Variants in HTR2C observed in about 807,000 individuals in gnomAD.
The protein encoded by HTR2C is 5-hydroxytryptamine receptor 2C, also known as 5-hydroxytryptamine (serotonin) receptor 2C, G protein-coupled.
HTR2C carries 5 observed loss-of-function variants against 21.0 expected under a neutral mutation model. The observed-to-expected ratio is 0.24, with a 90% CI of 0.12 to 0.50. HTR2C has a LOEUF of 0.50. Among genes scored for constraint, HTR2C ranks in the 20% least tolerant of loss-of-function variants. The pLI is 0.98. For missense variants in HTR2C, 271 were observed against 371.2 expected (o/e 0.73, Z 2.22); for synonymous variants, 150 against 145.3 (o/e 1.03, Z -0.23).
At chrX:114,717,183 C>A (rs1253426095) in intron 2 of HTR2C, among the ~76,000 whole-genome samples, 1 of 110,248 alleles carries the variant, frequency 9.1e-6, no homozygotes, top group Non-Finnish European at 1.9e-5. Flanking sequence ...GGGATCCTCC[C>A]ACCTCAGCCT....
At chrX:114,605,556 C>A (rs1320513513) in intron 1 of HTR2C, among the ~76,000 whole-genome samples, 2 of 110,863 alleles carry the variant, frequency 1.8e-5, no homozygotes, top group African/African-American at 6.6e-5. Flanking sequence ...AGACCATTTG[C>A]CTATTTTATG....
chrX:114,726,117 A>C (rs1397107738), intron 2 of HTR2C, among the ~76,000 whole-genome samples: 1 of 111,942 alleles, frequency 8.9e-6, no homozygotes, highest in Admixed American at 9.4e-5. Context: ...CCCCAGCCTC[A>C]CTGCCACCTT....
At chrX:114,621,917 A>G in intron 2 of HTR2C, among the ~76,000 whole-genome samples, 1 of 111,791 alleles carries the variant, frequency 8.9e-6, no homozygotes, top group Non-Finnish European at 1.9e-5. Context: ...TAAGTTCTAC[A>G]TCTTAGAACT....
chrX:114,639,571 G>A (rs78602960), intron 2 of HTR2C: 1,303 of 112,844 alleles, frequency 0.012, 5 homozygotes, highest in Middle Eastern at 0.017. Context: ...ATGCATTGAG[G>A]ACTCTCAGAT....
chrX:114,606,934 G>C (rs1206651824), intron 1 of HTR2C, among the ~76,000 whole-genome samples: 1 of 109,404 alleles, frequency 9.1e-6, no homozygotes, highest in Non-Finnish European at 1.9e-5. Flanking sequence ...TATAGGATTT[G>C]GGTAGGTAAA....
chrX:114,848,904 C>CT (rs2070894164), intron 5 of HTR2C, among the ~76,000 whole-genome samples: 1 of 111,351 alleles, frequency 9.0e-6, no homozygotes, highest in Admixed American at 9.6e-5. Context: ...AACAATTGGA[C>CT]TTTAGGGGTT....
intron 2 of HTR2C, among the ~76,000 whole-genome samples, chrX:114,642,423 GA>G (rs1473926341): frequency 9.0e-6 from 1 of 111,456 alleles, no homozygotes; most frequent in Non-Finnish European, 1.9e-5. Context: ...TGCCTTATAT[GA>G]AAAAATATGC....
intron 4 of HTR2C, among the ~76,000 whole-genome samples, chrX:114,843,520 G>A: frequency 9.0e-6 from 1 of 111,049 alleles, no homozygotes; most frequent in Non-Finnish European, 1.9e-5. Flanking sequence ...TATGCACAAT[G>A]GGATTTCCGG....
chrX:114,696,342 C>G (rs1556415868), intron 2 of HTR2C, among the ~76,000 whole-genome samples: 1 of 111,463 alleles, frequency 9.0e-6, no homozygotes, highest in Non-Finnish European at 1.9e-5. Flanking sequence ...CCTTCCACCT[C>G]TACTTGCAAA....
chrX:114,889,472 T>C (rs887231503), intron 5 of HTR2C, among the ~76,000 whole-genome samples: 7 of 112,213 alleles, frequency 6.2e-5, no homozygotes, highest in African/African-American at 2.3e-4. Flanking sequence ...CATACAATCC[T>C]ACACATGCAG....
intron 2 of HTR2C, among the ~76,000 whole-genome samples, chrX:114,707,314 G>A (rs994504607): frequency 2.7e-5 from 3 of 111,311 alleles, no homozygotes. Context: ...CCAGCTACTT[G>A]AGAGAAAGAG....
chrX:114,874,669 C>T (rs1374030566), intron 5 of HTR2C, among the ~76,000 whole-genome samples: 1 of 110,277 alleles, frequency 9.1e-6, no homozygotes, highest in Non-Finnish European at 1.9e-5. Flanking sequence ...CCACCATGCC[C>T]GGCTAATTTT....
At position 114,731,342 on chromosome X, in the gene HTR2C, C is replaced by T. The variant is rs1240494579; in HGVS notation, c.84C>T (p.Ser28=). 5 of 1,202,775 alleles carry T rather than the reference C, an allele frequency of 4.2e-6. No individual in the cohort carries two copies. The African/African-American group carries it at 5.3e-5, about 13-fold the overall frequency. Residue 28 remains serine (S), a synonymous_variant, in exon 4 of 6, where the codon AGC becomes AGT. Transcript: ENST00000276198. The stretch of plus-strand genomic sequence containing the variant: ...TTTGGCAATCTGATATTTCTGTGAG[C>T]CCAGTAGCAGCTATAGTAACTGACA... The part of the protein sequence containing the change: ...LLVWQSDISV[S]PVAAIVTDIF...
rs1271559991 is a variant in HTR2C, at chrX:114,805,974, T to C, written c.350-42029T>C. On this transcript the variant is annotated intron_variant, in intron 4 of 5. Transcript: ENST00000276198. ...ATACACCATATATATACCATATATA[T>C]ACACCATATATATACACCATATATA... Among the ~76,000 whole-genome samples, 11 of 29,615 alleles carry C rather than the reference T, an allele frequency of 3.7e-4. 1 individual carries two copies. Among genetic ancestry groups the C allele is most frequent in the Admixed American group, 7.4e-4 (1 of 1,354 alleles). 25.7% of individuals were successfully genotyped at this position (29,615 alleles called of 115,157 possible). A position where few individuals can be genotyped will look rare whatever the true frequency, so the allele number is the denominator to read the frequency against.
intron 2 of HTR2C, among the ~76,000 whole-genome samples, chrX:114,655,309 T>G (rs1279434707): frequency 1.8e-5 from 2 of 111,422 alleles, no homozygotes; most frequent in African/African-American, 6.5e-5. Flanking sequence ...CAAGTTACCA[T>G]GGCACTATTT....
intron 5 of HTR2C, among the ~76,000 whole-genome samples, chrX:114,870,624 T>G (rs2147509764): frequency 9.0e-6 from 1 of 111,346 alleles, no homozygotes; most frequent in Non-Finnish European, 1.9e-5. Flanking sequence ...GTTCAGGTTT[T>G]GGATTTCTTC....
chrX:114,707,103 T>A (rs1460583667), intron 2 of HTR2C, among the ~76,000 whole-genome samples: 2 of 111,815 alleles, frequency 1.8e-5, no homozygotes, highest in East Asian at 5.6e-4. Context: ...CATCTTAACA[T>A]CAACTGAGAA....
intron 4 of HTR2C, among the ~76,000 whole-genome samples, chrX:114,837,530 CTG>C (rs1289310205): frequency 1.8e-5 from 2 of 111,418 alleles, no homozygotes; most frequent in Non-Finnish European, 3.8e-5. Flanking sequence ...AATTTTGTCA[CTG>C]TTGCAAATAG....
intron 4 of HTR2C, among the ~76,000 whole-genome samples, chrX:114,745,537 G>T (rs2147361158): frequency 8.9e-6 from 1 of 112,162 alleles, no homozygotes; most frequent in South Asian, 3.7e-4. Flanking sequence ...AATAGCCAAG[G>T]TTTGGAAGCA....
Sources: allele counts gnomAD v4.1 joint callset (sites outside exome capture counted in the v4.1 genomes callset), GRCh38; gene constraint gnomAD v4.1.1; transcripts MANE v1.5; gene names NCBI Gene and HGNC (gene_info 2026-07-23, HGNC 2026-07-21).